Variants in CALHM4 observed in about 807,000 individuals in gnomAD.
The protein encoded by CALHM4 is calcium homeostasis modulator protein 4.
In CALHM4, 16 loss-of-function variants were observed where a neutral mutation model predicts 13.3. That is an observed-to-expected ratio of 1.20 (90% CI 0.81 to 1.82). CALHM4 has a LOEUF of 1.82. Ranked by LOEUF, CALHM4 falls within the 40% of genes most tolerant of loss-of-function variation. The pLI is 0.00. For missense variants in CALHM4, 344 were observed against 374.9 expected, an observed-to-expected ratio of 0.92 and a Z score of 0.68; for synonymous variants, 127 against 137.1, an observed-to-expected ratio of 0.93 and a Z score of 0.52.
chr6:116,529,873 G>A lies in CALHM4; in HGVS notation c.-109+683G>A, dbSNP rs1482333819. ...TTTCTGAGCCTATACCATAAAGTAA[G>A]TTGTGTGTAAGAGGAGTGTGTGCGG... On this transcript the variant is annotated intron_variant, in intron 1 of 2. Transcript: ENST00000368597. Among the ~76,000 whole-genome samples the A allele has an allele frequency of 5.9e-5, 9 of 152,188 alleles. No homozygotes were observed. In the East Asian group the frequency reaches 1.7e-3, roughly 29 times the overall value.
upstream of CALHM4, chr6:116,553,632 CA>C: frequency 1.5e-6 from 1 of 685,080 alleles, no homozygotes. Context: ...TCAGGGTTTT[CA>C]AAGTACACAA....
intron 2 of CALHM4, among the ~76,000 whole-genome samples, chr6:116,547,948 G>GA (rs1462541687): frequency 6.6e-6 from 1 of 152,164 alleles, no homozygotes; most frequent in African/African-American, 2.4e-5. Flanking sequence ...GGAATACATG[G>GA]GCAGCAGAGT....
chr6:116,538,284 A>C (rs1773219126), intron 1 of CALHM4, among the ~76,000 whole-genome samples: 1 of 152,202 alleles, frequency 6.6e-6, no homozygotes, highest in Admixed American at 6.5e-5. Context: ...TGGATGAGCC[A>C]ATATTCTCTG....
intron 1 of CALHM4, among the ~76,000 whole-genome samples, chr6:116,534,015 C>T (rs1000641122): frequency 1.3e-5 from 2 of 152,170 alleles, no homozygotes; most frequent in African/African-American, 4.8e-5. Context: ...CCTTCCCCAA[C>T]AAGATTTGAA....
In CALHM4 at chr6:116,560,462, C is replaced by T. The variant is rs140950706; in HGVS notation, c.*2251C>T. On this transcript the variant is annotated 3_prime_UTR_variant, in exon 2 of 2. Transcript: ENST00000368596. ...TGATGTAAAAATTTTATATTTTGAGCCAGTTAATCATGATCTTCCCCTATA... is the reference window on the plus strand; with the variant it reads ...TGATGTAAAAATTTTATATTTTGAGTCAGTTAATCATGATCTTCCCCTATA... 3.9e-5 allele frequency among the ~76,000 whole-genome samples: 6 copies of T among 152,196 alleles called. No individual in the cohort carries two copies. In the South Asian group the frequency reaches 1.2e-3, roughly 32 times the overall value.
At chr6:116,544,278 A>G (rs1773642286) in intron 2 of CALHM4, among the ~76,000 whole-genome samples, 1 of 151,958 alleles carries the variant, frequency 6.6e-6, no homozygotes, top group Non-Finnish European at 1.5e-5. Flanking sequence ...TGGCCCCAAC[A>G]TTGTGTCCCT....
At chr6:116,534,424 A>G (rs1214642493) in intron 1 of CALHM4, among the ~76,000 whole-genome samples, 1 of 152,100 alleles carries the variant, frequency 6.6e-6, no homozygotes, top group Non-Finnish European at 1.5e-5. Flanking sequence ...AGATTCAGTC[A>G]TAGCAGTCTT....
intron 1 of CALHM4, among the ~76,000 whole-genome samples, chr6:116,532,397 C>T (rs982340447): frequency 2.0e-5 from 3 of 152,136 alleles, no homozygotes; most frequent in Non-Finnish European, 2.9e-5. Context: ...CCACCGCGCC[C>T]GGCCGGTTTT....
intron 1 of CALHM4, among the ~76,000 whole-genome samples, chr6:116,556,801 C>A (rs1384322858): frequency 6.6e-6 from 1 of 152,172 alleles, no homozygotes; most frequent in Non-Finnish European, 1.5e-5. Flanking sequence ...AAAACTAGTT[C>A]ATTTTCCTTT....
intron 1 of CALHM4, among the ~76,000 whole-genome samples, chr6:116,537,807 T>G (rs552107116): frequency 6.6e-6 from 1 of 152,296 alleles, no homozygotes; most frequent in South Asian, 2.1e-4. Context: ...CCTCTTCCCT[T>G]CCTCTTTTCT....
At chr6:116,530,889 A>G (rs2115188315) in intron 1 of CALHM4, among the ~76,000 whole-genome samples, 1 of 138,608 alleles carries the variant, frequency 7.2e-6, no homozygotes, top group South Asian at 2.3e-4. Context: ...AGGTTCATAG[A>G]TAAAGTGAGA....
intron 1 of CALHM4, chr6:116,540,484 T>C: frequency 6.5e-7 from 1 of 1,546,458 alleles, no homozygotes; most frequent in Non-Finnish European, 8.7e-7. Flanking sequence ...GGAAAGAGTG[T>C]GGTCTGAAAA....
At chr6:116,531,476 G>A (rs2115191199) in intron 1 of CALHM4, among the ~76,000 whole-genome samples, 1 of 152,234 alleles carries the variant, frequency 6.6e-6, no homozygotes, top group East Asian at 1.9e-4. Context: ...CTGAAGTAGA[G>A]AACCACAAAG....
At chr6:116,545,587 A>C in intron 2 of CALHM4, 1 of 1,383,066 alleles carries the variant, frequency 7.2e-7, no homozygotes, top group East Asian at 2.5e-5. Context: ...GTATCAGTCC[A>C]TGTCTTTTTG....
rs1335371748 is a variant in CALHM4, at chr6:116,554,064, A to C, written c.271A>C (p.Arg91=). 43 of 1,550,544 alleles carry C rather than the reference A, an allele frequency of 2.8e-5. No individual in the cohort carries two copies. Among genetic ancestry groups the C allele is most frequent in the Non-Finnish European group, 3.2e-5 (37 of 1,147,038 alleles). The part of the protein sequence containing the change: ...YCCSCAPPYR[R]ISPLECKLAC... ...CTGCAGCTGTGCCCCTCCATACAGG[A>C]GAATCAGCCCCCTAGAGTGCAAGCT... Residue 91 remains arginine (R), a synonymous_variant, in exon 1 of 2, where the codon AGA becomes CGA. Coordinates refer to ENST00000368596, the MANE Select transcript of CALHM4 (RefSeq NM_001366078.2).
At chr6:116,543,935 CA>C (rs1773614161) in intron 2 of CALHM4, 1 of 1,226,274 alleles carries the variant, frequency 8.2e-7, no homozygotes, top group Admixed American at 2.4e-5. Context: ...TATAGTTCTC[CA>C]AAATATGTCC....
At chr6:116,556,903 A>G (rs1774339584) in intron 1 of CALHM4, among the ~76,000 whole-genome samples, 2 of 151,306 alleles carry the variant, frequency 1.3e-5, no homozygotes, top group Non-Finnish European at 1.5e-5. Context: ...ATGTTACTAC[A>G]TGGCACAGTG....
rs1583315587 is a variant in CALHM4, at chr6:116,553,877, T to C, written c.84T>C (p.Ile28=). 1 of 1,550,664 alleles carries C rather than the reference T, an allele frequency of 6.4e-7. No individual in the cohort carries two copies. Among genetic ancestry groups the C allele is most frequent in the Non-Finnish European group, 8.7e-7 (1 of 1,147,004 alleles). Residue 28 remains isoleucine (I), a synonymous_variant, in exon 1 of 2, where the codon ATT becomes ATC. Coordinates refer to ENST00000368596, the MANE Select transcript of CALHM4 (RefSeq NM_001366078.2). ...ATTCTTTAATTGCAGCCTTGACTATTGGTGGGCAACAACTCTTCTCCTCTT... is the reference window on the plus strand; with the variant it reads ...ATTCTTTAATTGCAGCCTTGACTATCGGTGGGCAACAACTCTTCTCCTCTT... ...FINSLIAALT[I]GGQQLFSSST...
intron 2 of CALHM4, among the ~76,000 whole-genome samples, chr6:116,547,515 G>A (rs1253647719): frequency 6.6e-6 from 1 of 152,168 alleles, no homozygotes; most frequent in African/African-American, 2.4e-5. Flanking sequence ...ACTGTACAAA[G>A]CACAACCTTC....
Sources: allele counts gnomAD v4.1 joint callset (sites outside exome capture counted in the v4.1 genomes callset), GRCh38; gene constraint gnomAD v4.1.1; transcripts MANE v1.5; gene names NCBI Gene and HGNC (gene_info 2026-07-23, HGNC 2026-07-21).